The following FAM222B variants were observed in gnomAD, a reference collection of about 807,000 sequenced individuals.
FAM222B encodes protein FAM222B.
A neutral mutation model predicts 38.0 loss-of-function variants in FAM222B; 12 were observed. That is an observed-to-expected ratio of 0.32 (90% CI 0.20 to 0.51). The LOEUF (loss-of-function observed/expected upper bound fraction) is 0.51, where lower values mean the gene tolerates loss of function less well. Among genes scored for constraint, FAM222B ranks in the 20% least tolerant of loss-of-function variants. The probability of loss-of-function intolerance (pLI) is 0.97; values close to 1 mark genes in which losing one functional copy is unlikely to be tolerated. For missense variants in FAM222B, 716 were observed against 754.2 expected, an observed-to-expected ratio of 0.95 and a Z score of 0.59; for synonymous variants, 329 against 317.2, an observed-to-expected ratio of 1.04 and a Z score of -0.40.
At chr17:28,822,760 G>A (rs1397044844) in intron 1 of FAM222B, among the ~76,000 whole-genome samples, 3 of 118,994 alleles carry the variant, frequency 2.5e-5, no homozygotes, top group African/African-American at 9.7e-5. Flanking sequence ...CTGAGATCAC[G>A]CCACTGCACT....
upstream of FAM222B, among the ~76,000 whole-genome samples, chr17:28,845,583 A>C (rs907648314): frequency 2.7e-5 from 4 of 150,416 alleles, no homozygotes; most frequent in Non-Finnish European, 4.4e-5. Context: ...GTCTCAAAAA[A>C]AAAAGGAAAA....
chr17:28,841,275 C>T (rs1373932118), intron 1 of FAM222B, among the ~76,000 whole-genome samples: 1 of 152,174 alleles, frequency 6.6e-6, no homozygotes, highest in Non-Finnish European at 1.5e-5. Context: ...TGCCTGGCGA[C>T]AGAGCGAGAC....
intron 1 of FAM222B, among the ~76,000 whole-genome samples, chr17:28,832,727 C>T (rs893935933): frequency 9.9e-5 from 15 of 152,132 alleles, no homozygotes; most frequent in Non-Finnish European, 5.9e-5. Flanking sequence ...CATTTTAGCT[C>T]CTAGCAGAGA....
chr17:28,823,201 T>C (rs552270429), intron 1 of FAM222B, among the ~76,000 whole-genome samples: 34 of 152,128 alleles, frequency 2.2e-4, no homozygotes, highest in South Asian at 1.5e-3. Flanking sequence ...CTTCATCTTA[T>C]TTTTCCCCCT....
chr17:28,798,820 T>A (rs987251126), intron 1 of FAM222B, among the ~76,000 whole-genome samples: 6 of 151,838 alleles, frequency 4.0e-5, no homozygotes, highest in African/African-American at 1.5e-4. Flanking sequence ...GGTTTCACCG[T>A]GTTAGCCAGG....
At chr17:28,775,086 T>C (rs1025994431) in intron 1 of FAM222B, among the ~76,000 whole-genome samples, 25 of 145,204 alleles carry the variant, frequency 1.7e-4, no homozygotes, top group Non-Finnish European at 3.0e-4. Flanking sequence ...CTACAACCTC[T>C]GCCTCCTGGG....
At chr17:28,845,455 T>C (rs181094244), upstream of FAM222B, among the ~76,000 whole-genome samples, 749 of 148,858 alleles carry the variant, frequency 5.0e-3, 2 homozygotes, top group Non-Finnish European at 8.1e-3. Flanking sequence ...GGTGGGCGCC[T>C]GTAGTCCCAG....
chr17:28,845,517 G>A (rs1282398204), upstream of FAM222B, among the ~76,000 whole-genome samples: 1 of 150,544 alleles, frequency 6.6e-6, no homozygotes, highest in East Asian at 2.0e-4. Flanking sequence ...AGCGGAGCTT[G>A]CAGTGAGCCG....
chr17:28,773,314 T>TAA (rs539926621), intron 1 of FAM222B, among the ~76,000 whole-genome samples: 2 of 146,760 alleles, frequency 1.4e-5, no homozygotes, highest in South Asian at 2.2e-4. Context: ...CCATCTCTAC[T>TAA]AAAAAAAAAT....
intron 1 of FAM222B, among the ~76,000 whole-genome samples, chr17:28,822,145 C>T (rs2038247826): frequency 6.7e-6 from 1 of 150,176 alleles, no homozygotes; most frequent in South Asian, 2.1e-4. Context: ...CCTCAGTCTC[C>T]CAAGTAGCTG....
intron 1 of FAM222B, among the ~76,000 whole-genome samples, chr17:28,781,143 A>G (rs965305746): frequency 1.3e-5 from 2 of 152,068 alleles, no homozygotes; most frequent in African/African-American, 2.4e-5. Flanking sequence ...TAAAACCACA[A>G]TGAAATTAGC....
chr17:28,845,874 G>T (rs1567913981), upstream of FAM222B, among the ~76,000 whole-genome samples: 1 of 151,702 alleles, frequency 6.6e-6, no homozygotes, highest in Non-Finnish European at 1.5e-5. Flanking sequence ...CAGCCTGGGT[G>T]ACAGAGCAAG....
At chr17:28,780,610 G>GGT (rs559618673) in intron 1 of FAM222B, among the ~76,000 whole-genome samples, 46 of 152,164 alleles carry the variant, frequency 3.0e-4, no homozygotes, top group South Asian at 2.1e-3. Context: ...GGATGGGTGC[G>GGT]GTGGCTCATG....
At chr17:28,804,969 C>G (rs1287426787) in intron 1 of FAM222B, among the ~76,000 whole-genome samples, 1 of 151,810 alleles carries the variant, frequency 6.6e-6, no homozygotes, top group African/African-American at 2.4e-5. Flanking sequence ...TGGCGTGAAC[C>G]CCATTGGCAG....
intron 1 of FAM222B, among the ~76,000 whole-genome samples, chr17:28,803,390 C>T (rs1464983983): frequency 6.6e-6 from 1 of 152,054 alleles, no homozygotes; most frequent in African/African-American, 2.4e-5. Context: ...ACTGCAACCT[C>T]GAACTCCTGG....
At chr17:28,772,382 G>A (rs748908279) in intron 1 of FAM222B, among the ~76,000 whole-genome samples, 3 of 151,970 alleles carry the variant, frequency 2.0e-5, no homozygotes, top group Non-Finnish European at 4.4e-5. Flanking sequence ...CCTAAGAGGT[G>A]ACCTGTAACA....
At chr17:28,826,057 G>A (rs1036735899) in intron 1 of FAM222B, among the ~76,000 whole-genome samples, 2 of 144,910 alleles carry the variant, frequency 1.4e-5, no homozygotes, top group Non-Finnish European at 3.0e-5. Context: ...TACCGTGCCC[G>A]GCCATTAACT....
At chr17:28,850,165 A>G (rs1436599611) in intron 1 of FAM222B, among the ~76,000 whole-genome samples, 1 of 152,080 alleles carries the variant, frequency 6.6e-6, no homozygotes, top group Non-Finnish European at 1.5e-5. Flanking sequence ...TAAAGCTGTG[A>G]AGCCCTTTGC....
intron 1 of FAM222B, among the ~76,000 whole-genome samples, chr17:28,826,681 CAAAAAA>C (rs58793747): frequency 2.4e-5 from 2 of 85,030 alleles, no homozygotes; most frequent in African/African-American, 8.5e-5. Context: ...AACTCCGTCT[CAAAAAA>C]AAAAAAAAAA....
Sources: allele counts gnomAD v4.1 joint callset (sites outside exome capture counted in the v4.1 genomes callset), GRCh38; gene constraint gnomAD v4.1.1; transcripts MANE v1.5; gene names NCBI Gene and HGNC (gene_info 2026-07-23, HGNC 2026-07-21).